The following ATP9B variants were observed in gnomAD, a reference collection of about 807,000 sequenced individuals.
ATP9B encodes ATPase phospholipid transporting 9B.
ATP9B carries 110 observed loss-of-function variants against 146.1 expected under a neutral mutation model. The observed-to-expected ratio is 0.75, with a 90% CI of 0.65 to 0.88. The LOEUF is 0.88. ATP9B is among the 40% of genes least tolerant of loss of function. The pLI, the probability that ATP9B is intolerant of heterozygous loss-of-function variation, is 0.00. For synonymous variants in ATP9B, 604 were observed against 569.7 expected, an observed-to-expected ratio of 1.06 and a Z score of -0.86; for missense variants, 1,499 against 1,496.4, an observed-to-expected ratio of 1.00 and a Z score of -0.03.
chr18:79,227,037 G>A (rs74761288), intron 11 of ATP9B, among the ~76,000 whole-genome samples: 2,156 of 152,210 alleles, frequency 0.014, 21 homozygotes, highest in Non-Finnish European at 0.019. Flanking sequence ...TTGCATTGTC[G>A]TATTGTGACT....
chr18:79,374,164 A>T, intron 28 of ATP9B, 63 bp downstream of exon 28: 1 of 1,533,458 alleles, frequency 6.5e-7, no homozygotes, highest in South Asian at 1.2e-5. Context: ...GTATTTTCTT[A>T]TTGTTGCTTC....
chr18:79,277,024 C>T (rs1030778863), intron 12 of ATP9B, 30 bp from the exon 13 acceptor site: 1 of 1,613,690 alleles, frequency 6.2e-7, no homozygotes, highest in Non-Finnish European at 8.5e-7. Flanking sequence ...CTGGATCACA[C>T]TAACCACTGC....
intron 7 of ATP9B, among the ~76,000 whole-genome samples, chr18:79,167,803 T>A (rs1470820991): frequency 6.6e-6 from 1 of 152,178 alleles, no homozygotes. Context: ...TTCAGGTTGT[T>A]CCTGGCTTGA....
chr18:79,374,999 GGGGC>G (rs2097094928), intron 28 of ATP9B, among the ~76,000 whole-genome samples: 1 of 152,212 alleles, frequency 6.6e-6, no homozygotes, highest in Non-Finnish European at 1.5e-5. Context: ...CTTCCCATTA[GGGGC>G]GGGTCTGAAG....
At chr18:79,098,229 A>G (rs541842355) in intron 2 of ATP9B, among the ~76,000 whole-genome samples, 3 of 152,138 alleles carry the variant, frequency 2.0e-5, no homozygotes, top group Admixed American at 6.5e-5. Context: ...ACAAAAATCA[A>G]TTCAAGATGG....
chr18:79,189,532 C>T (rs570590110), intron 8 of ATP9B, among the ~76,000 whole-genome samples: 4 of 152,098 alleles, frequency 2.6e-5, no homozygotes, highest in Non-Finnish European at 5.9e-5. Flanking sequence ...GGAAACCTTG[C>T]CGATAACCTA....
At chr18:79,113,193 A>T (rs1479502616) in intron 3 of ATP9B, 48 bp from the exon 4 acceptor site, 1 of 1,066,724 alleles carries the variant, frequency 9.4e-7, no homozygotes, top group South Asian at 1.4e-5. Flanking sequence ...TAGGTATTAA[A>T]ATTTTTTCCT....
At chr18:79,238,734 G>A (rs1347932827) in intron 11 of ATP9B, among the ~76,000 whole-genome samples, 1 of 152,182 alleles carries the variant, frequency 6.6e-6, no homozygotes, top group African/African-American at 2.4e-5. Flanking sequence ...GACAGGCAGC[G>A]AGTATGATTT....
chr18:79,218,037 C>T (rs1420146437), intron 11 of ATP9B, among the ~76,000 whole-genome samples: 1 of 152,196 alleles, frequency 6.6e-6, no homozygotes, highest in African/African-American at 2.4e-5. Context: ...TAGTGGTTAT[C>T]GGTCAGGATA....
At chr18:79,325,837 T>G (rs962401652) in intron 15 of ATP9B, among the ~76,000 whole-genome samples, 3 of 152,182 alleles carry the variant, frequency 2.0e-5, no homozygotes. Context: ...CCATTATCTC[T>G]GCACACTCCA....
rs1167554138 is a variant in ATP9B, at chr18:79,203,609, A to AGC, written c.955-3328_955-3327insGC. ...TAGGTGCTAGGAAGGTAATACCCAT[A>AGC]AAATATGGGATTAGAAACATGTCAA... On this transcript the variant is annotated intron_variant, in intron 9 of 29. Coordinates refer to ENST00000426216, the MANE Select transcript of ATP9B (RefSeq NM_198531.5). Among the ~76,000 whole-genome samples the AGC allele has an allele frequency of 6.5e-3, 997 of 152,340 alleles. 4 individuals are homozygous for AGC. The highest frequency in any genetic ancestry group is 0.022 in the African/African-American group (932 of 41,568).
chr18:79,110,621 A>G (rs1408134117), intron 3 of ATP9B, 116 bp downstream of exon 3: 6 of 971,552 alleles, frequency 6.2e-6, no homozygotes, highest in Non-Finnish European at 8.6e-6. Flanking sequence ...TCACATCCAA[A>G]TCAGTGTCCT....
chr18:79,161,863 A>G (rs1011123915), intron 7 of ATP9B, among the ~76,000 whole-genome samples: 44 of 152,152 alleles, frequency 2.9e-4, no homozygotes, highest in African/African-American at 1.0e-3. Flanking sequence ...AAGAAGTCAG[A>G]TTGTTTTTTC....
intron 26 of ATP9B, 124 bp from the exon 27 acceptor site, chr18:79,372,701 G>A (rs1411140147): frequency 1.3e-6 from 1 of 744,330 alleles, no homozygotes; most frequent in East Asian, 2.6e-5. Flanking sequence ...CCAGGTGGCT[G>A]GGGTGGCATG....
chr18:79,240,733 C>T (rs2095879879), intron 11 of ATP9B, among the ~76,000 whole-genome samples: 3 of 152,160 alleles, frequency 2.0e-5, no homozygotes, highest in South Asian at 2.1e-4. Flanking sequence ...GCAACAAGAG[C>T]GAAACTCCGC....
chr18:79,259,028 T>C (rs1439426755), intron 12 of ATP9B, among the ~76,000 whole-genome samples: 1 of 152,256 alleles, frequency 6.6e-6, no homozygotes, highest in Non-Finnish European at 1.5e-5. Context: ...GTTTTGGTTT[T>C]GCACAGTATA....
At chr18:79,367,712 C>T (rs757343517) in intron 26 of ATP9B, among the ~76,000 whole-genome samples, 182 of 152,254 alleles carry the variant, frequency 1.2e-3, no homozygotes, top group Non-Finnish European at 2.3e-3. Flanking sequence ...TTCCCATCAC[C>T]AGGGATGAGA....
At chr18:79,255,122 A>G (rs541405112) in intron 12 of ATP9B, 1 of 152,276 alleles carries the variant, frequency 6.6e-6, no homozygotes, top group East Asian at 1.9e-4. Flanking sequence ...CAAAGGCCCC[A>G]TCCTGCTCAG....
At position 79,336,748 on chromosome 18, in the gene ATP9B, G is replaced by A. The variant is rs376923722; in HGVS notation, c.2112+37G>A. Reference sequence around the variant, plus strand: ...CCCAGCCATCCCATCCTCCTACGACGTTTCCTTCCTTACGCTGAAATTAGT... The same window carrying A: ...CCCAGCCATCCCATCCTCCTACGACATTTCCTTCCTTACGCTGAAATTAGT... On this transcript the variant is annotated intron_variant, in intron 18 of 29. Coordinates refer to ENST00000426216, the MANE Select transcript of ATP9B (RefSeq NM_198531.5). The A allele has an allele frequency of 1.3e-3, 2,044 of 1,594,194 alleles. 3 individuals carry two copies. Among genetic ancestry groups the A allele is most frequent in the Non-Finnish European group, 1.6e-3 (1,892 of 1,163,768 alleles).
Sources: gnomAD v4.1 joint callset for allele counts (sites outside exome capture counted in the v4.1 genomes callset) on GRCh38, gnomAD v4.1.1 for gene constraint, MANE v1.5 for transcripts, NCBI Gene and HGNC (gene_info 2026-07-23, HGNC 2026-07-21) for gene names.